Variants in RALYL observed in about 807,000 individuals in gnomAD.
RALYL encodes the protein RALY RNA binding protein like.
In RALYL, 29 loss-of-function variants were observed where a neutral mutation model predicts 35.1. The observed-to-expected ratio is 0.83, with a 90% CI of 0.61 to 1.13. The LOEUF is 1.13. Among genes scored for constraint, RALYL ranks in the 50% most tolerant of loss-of-function variants. The probability of loss-of-function intolerance (pLI) is 0.00; values close to 1 mark genes in which losing one functional copy is unlikely to be tolerated. For missense variants in RALYL, 359 were observed against 360.4 expected, an observed-to-expected ratio of 1.00 and a Z score of 0.03; for synonymous variants, 120 against 127.6, an observed-to-expected ratio of 0.94 and a Z score of 0.40.
At chr8:84,735,017 G>A (rs1409922811) in intron 2 of RALYL, among the ~76,000 whole-genome samples, 1 of 150,898 alleles carries the variant, frequency 6.6e-6, no homozygotes, top group Non-Finnish European at 1.5e-5. Context: ...GTGTGTGTGT[G>A]TGTGTGTGTG....
intron 1 of RALYL, among the ~76,000 whole-genome samples, chr8:84,201,793 C>CTG (rs1279652351): frequency 6.6e-6 from 1 of 152,032 alleles, no homozygotes; most frequent in Admixed American, 6.6e-5. Flanking sequence ...TCTCGAACTC[C>CTG]TGACCTCAAG....
chr8:84,268,538 T>C (rs1833734635), intron 1 of RALYL, among the ~76,000 whole-genome samples: 1 of 152,232 alleles, frequency 6.6e-6, no homozygotes, highest in Non-Finnish European at 1.5e-5. Flanking sequence ...TGTAGTTTAT[T>C]GTATTACTTG....
intron 2 of RALYL, among the ~76,000 whole-genome samples, chr8:84,587,594 A>G (rs1475066469): frequency 3.3e-5 from 5 of 152,234 alleles, no homozygotes; most frequent in Non-Finnish European, 7.3e-5. Context: ...TAATTTGATC[A>G]GAAAACCTCT....
chr8:84,611,190 G>A (rs1818234354), intron 2 of RALYL, among the ~76,000 whole-genome samples: 1 of 151,942 alleles, frequency 6.6e-6, no homozygotes, highest in African/African-American at 2.4e-5. Flanking sequence ...AGTGCATTTT[G>A]GAAATTTTTT....
At chr8:84,293,816 T>C (rs942566741) in intron 1 of RALYL, among the ~76,000 whole-genome samples, 1 of 152,118 alleles carries the variant, frequency 6.6e-6, no homozygotes, top group African/African-American at 2.4e-5. Context: ...AGTGTTGGGA[T>C]TCACAAACAA....
chr8:84,576,552 T>C (rs1809486095), intron 2 of RALYL, among the ~76,000 whole-genome samples: 1 of 152,166 alleles, frequency 6.6e-6, no homozygotes, highest in Non-Finnish European at 1.5e-5. Flanking sequence ...CACCACTCCC[T>C]CTAGCACACA....
rs544454926 is a variant in RALYL at position 84,544,974 on chromosome 8, C to T, written c.256+15397C>T. Among the ~76,000 whole-genome samples the T allele has an allele frequency of 2.3e-4, 35 of 151,978 alleles. No homozygotes were observed. The South Asian group carries it at 6.8e-3, about 30-fold the overall frequency. On this transcript the variant is annotated intron_variant, in intron 2 of 8. Transcript: ENST00000521268. The stretch of plus-strand genomic sequence containing the variant: ...TATACATTAAGAAAATAATTAAATT[C>T]ATTAACCTTTTCACTGTTGCTCCTT...
intron 1 of RALYL, among the ~76,000 whole-genome samples, chr8:84,337,561 C>G (rs186044205): frequency 1.2e-3 from 184 of 152,044 alleles, no homozygotes; most frequent in Non-Finnish European, 2.3e-3. Flanking sequence ...CTTTTCAGTA[C>G]ATTGAATGAA....
chr8:84,258,861 G>A (rs1347887391), intron 1 of RALYL, among the ~76,000 whole-genome samples: 4 of 152,088 alleles, frequency 2.6e-5, no homozygotes, highest in Non-Finnish European at 4.4e-5. Context: ...CCTCTGTGAG[G>A]ACTTCCTTAA....
At chr8:84,658,456 C>G (rs1343414714) in intron 2 of RALYL, among the ~76,000 whole-genome samples, 1 of 152,072 alleles carries the variant, frequency 6.6e-6, no homozygotes, top group Non-Finnish European at 1.5e-5. Context: ...AATTGTATCT[C>G]CCTCTTAAAA....
At chr8:84,851,482 G>A (rs1439968586) in intron 5 of RALYL, among the ~76,000 whole-genome samples, 1 of 151,968 alleles carries the variant, frequency 6.6e-6, no homozygotes, top group African/African-American at 2.4e-5. Context: ...GATAGATTAC[G>A]GGATTAAAAA....
At chr8:84,284,004 A>C (rs942002051) in intron 1 of RALYL, among the ~76,000 whole-genome samples, 2 of 152,206 alleles carry the variant, frequency 1.3e-5, no homozygotes, top group African/African-American at 4.8e-5. Flanking sequence ...TTAAGGAAAT[A>C]AATTAAAATA....
chr8:84,390,494 G>C (rs992787317), intron 1 of RALYL, among the ~76,000 whole-genome samples: 7 of 151,882 alleles, frequency 4.6e-5, no homozygotes, highest in Non-Finnish European at 8.8e-5. Flanking sequence ...TGTTGGTAAG[G>C]TATTGATTAT....
At chr8:84,628,451 G>C (rs1364792565) in intron 2 of RALYL, among the ~76,000 whole-genome samples, 1 of 152,006 alleles carries the variant, frequency 6.6e-6, no homozygotes, top group East Asian at 1.9e-4. Context: ...TCCCTTGTTA[G>C]AATATAAATT....
chr8:84,650,318 C>A (rs552853714), intron 2 of RALYL, among the ~76,000 whole-genome samples: 1,534 of 151,982 alleles, frequency 0.01, 29 homozygotes, highest in African/African-American at 0.034. Flanking sequence ...TTGCAACCTA[C>A]TCATCTGACA....
At chr8:84,735,126 G>A (rs111345742) in intron 2 of RALYL, among the ~76,000 whole-genome samples, 2,840 of 150,650 alleles carry the variant, frequency 0.019, 87 homozygotes, top group African/African-American at 0.064. Context: ...TGGACTGTTC[G>A]TTACCAACTT....
chr8:84,397,843 G>A lies in RALYL; in HGVS notation c.-23-131456G>A, dbSNP rs138347061. Among the ~76,000 whole-genome samples, 154 of 152,288 alleles carry A rather than the reference G, an allele frequency of 1.0e-3. 2 individuals are homozygous for A. The highest frequency in any genetic ancestry group is 3.6e-3 in the African/African-American group (151 of 41,568). ...TTTCTGGGAGTATTTAATTTTAAGA[G>A]AGACCCATACTTCCTTTTATAAGGT... On this transcript the variant is annotated intron_variant, in intron 1 of 8. Transcript: ENST00000521268.
intron 2 of RALYL, among the ~76,000 whole-genome samples, chr8:84,759,723 G>C (rs1812239433): frequency 6.6e-6 from 1 of 152,124 alleles, no homozygotes; most frequent in South Asian, 2.1e-4. Flanking sequence ...TAATATTGAT[G>C]TTGCACAGAT....
chr8:84,617,501 A>G (rs1211286290), intron 2 of RALYL, among the ~76,000 whole-genome samples: 7 of 150,264 alleles, frequency 4.7e-5, no homozygotes, highest in Non-Finnish European at 8.8e-5. Flanking sequence ...GGCTGAGACA[A>G]TGGGGTTTTC....
Sources: gnomAD v4.1 joint callset for allele counts (sites outside exome capture counted in the v4.1 genomes callset) on GRCh38, gnomAD v4.1.1 for gene constraint, MANE v1.5 for transcripts, NCBI Gene and HGNC (gene_info 2026-07-23, HGNC 2026-07-21) for gene names.